The following GRIK2 variants were observed in gnomAD, a reference collection of about 807,000 sequenced individuals.
GRIK2 encodes glutamate receptor ionotropic, kainate 2.
GRIK2 carries 32 observed loss-of-function variants against 100.3 expected under a neutral mutation model. That is an observed-to-expected ratio of 0.32 (90% CI 0.24 to 0.43). The LOEUF is 0.43. GRIK2 is among the 20% of genes least tolerant of loss of function. The pLI is 1.00. For missense variants in GRIK2, 843 were observed against 1,114.9 expected (o/e 0.76, Z 3.47); for synonymous variants, 417 against 389.4 (o/e 1.07, Z -0.83).
intron 14 of GRIK2, among the ~76,000 whole-genome samples, chr6:101,989,278 G>C (rs1028183775): frequency 6.6e-6 from 1 of 151,802 alleles, no homozygotes; most frequent in Non-Finnish European, 1.5e-5. Flanking sequence ...CCCTCAGGAG[G>C]TTATTAATTA....
chr6:101,930,351 A>T (rs796202976), intron 14 of GRIK2, among the ~76,000 whole-genome samples: 5 of 6,020 alleles, frequency 8.3e-4, no homozygotes, highest in East Asian at 6.2e-3. Flanking sequence ...TCAAAAAAAA[A>T]AAATAAAATA....
chr6:101,486,395 G>GGA (rs1772833559), intron 2 of GRIK2, among the ~76,000 whole-genome samples: 1 of 137,670 alleles, frequency 7.3e-6, no homozygotes, highest in African/African-American at 2.6e-5. Flanking sequence ...GTGGGGCGGG[G>GGA]GGGGGAAGCT....
chr6:101,618,238 C>T (rs1458733001), intron 2 of GRIK2, among the ~76,000 whole-genome samples: 6 of 150,774 alleles, frequency 4.0e-5, no homozygotes, highest in African/African-American at 1.5e-4. Context: ...AAATACAATC[C>T]TTTTTTATTA....
chr6:101,972,071 CT>C (rs1020619998), intron 14 of GRIK2, among the ~76,000 whole-genome samples: 3 of 151,942 alleles, frequency 2.0e-5, no homozygotes, highest in African/African-American at 7.2e-5. Context: ...ATGCATGTGT[CT>C]TTTTGGTAGA....
chr6:101,633,434 T>A (rs1780861687), intron 4 of GRIK2, among the ~76,000 whole-genome samples: 1 of 152,116 alleles, frequency 6.6e-6, no homozygotes, highest in South Asian at 2.1e-4. Flanking sequence ...TTGATGCATG[T>A]ATAAGGTGAG....
At chr6:101,596,537 A>T (rs1021224252) in intron 2 of GRIK2, among the ~76,000 whole-genome samples, 9 of 151,592 alleles carry the variant, frequency 5.9e-5, no homozygotes. Flanking sequence ...GGAAGCATAA[A>T]CTCTTTCTTA....
intron 7 of GRIK2, among the ~76,000 whole-genome samples, chr6:101,731,120 G>GACTTC (rs1775237853): frequency 2.6e-5 from 4 of 151,984 alleles, no homozygotes; most frequent in Admixed American, 6.6e-5. Flanking sequence ...AATTATCTGA[G>GACTTC]CAGTGAAGAA....
At chr6:102,020,939 A>G (rs945784044) in intron 14 of GRIK2, among the ~76,000 whole-genome samples, 2 of 151,810 alleles carry the variant, frequency 1.3e-5, no homozygotes, top group African/African-American at 4.8e-5. Context: ...TTAAAAATGG[A>G]ACAGCAATTT....
At chr6:101,655,473 T>C (rs1396481931) in intron 4 of GRIK2, among the ~76,000 whole-genome samples, 1 of 152,052 alleles carries the variant, frequency 6.6e-6, no homozygotes, top group Non-Finnish European at 1.5e-5. Context: ...AAGAATAAAA[T>C]CCATACCTGC....
chr6:101,875,623 TCTTTA>T (rs1276713056), intron 11 of GRIK2, among the ~76,000 whole-genome samples: 1 of 151,908 alleles, frequency 6.6e-6, no homozygotes, highest in Non-Finnish European at 1.5e-5. Context: ...CTTGTTTTTC[TCTTTA>T]CTTCTTTTAC....
At chr6:101,541,038 A>G (rs973167391) in intron 2 of GRIK2, among the ~76,000 whole-genome samples, 4 of 152,022 alleles carry the variant, frequency 2.6e-5, no homozygotes, top group Non-Finnish European at 5.9e-5. Flanking sequence ...AAAGATGGGA[A>G]TCATGGCAGC....
At chr6:101,902,061 G>A (rs1032172894) in intron 12 of GRIK2, among the ~76,000 whole-genome samples, 1 of 151,936 alleles carries the variant, frequency 6.6e-6, no homozygotes, top group East Asian at 1.9e-4. Flanking sequence ...GTTCAGTGAT[G>A]TGATGATAGT....
intron 7 of GRIK2, among the ~76,000 whole-genome samples, chr6:101,781,650 A>G (rs1779103991): frequency 1.3e-5 from 2 of 152,102 alleles, no homozygotes; most frequent in Non-Finnish European, 1.5e-5. Context: ...ATGTTTGTAT[A>G]TGTGTGTATG....
chr6:101,665,730 G>A (rs1046897538), intron 4 of GRIK2, among the ~76,000 whole-genome samples: 1 of 152,200 alleles, frequency 6.6e-6, no homozygotes, highest in Non-Finnish European at 1.5e-5. Context: ...GTTAGAAGAG[G>A]TAAGAGTTGG....
At chr6:101,891,974 G>A (rs1181127895) in intron 12 of GRIK2, among the ~76,000 whole-genome samples, 2 of 152,036 alleles carry the variant, frequency 1.3e-5, no homozygotes, top group Non-Finnish European at 2.9e-5. Context: ...TCAGTGCCTA[G>A]AAAACTCTTC....
At position 102,069,861 on chromosome 6, in the gene GRIK2, G is replaced by C. The variant is rs1474855488; in HGVS notation, c.*1350G>C. 1 of 151,866 alleles carries C rather than the reference G, an allele frequency of 6.6e-6. No homozygotes were observed. Among genetic ancestry groups the C allele is most frequent in the Non-Finnish European group, 1.5e-5 (1 of 67,934 alleles). The allele number at this position is 151,866 out of a possible 1,614,324, so 9.4% of individuals were successfully genotyped here. ...ATAGAAGAGAAATATTTTCAAGTTAGATAATATAAAAGCTAGGTGCACTAC... is the reference window on the plus strand; with the variant it reads ...ATAGAAGAGAAATATTTTCAAGTTACATAATATAAAAGCTAGGTGCACTAC... On this transcript the variant is annotated 3_prime_UTR_variant, in exon 17 of 17. Transcript: ENST00000369134.
chr6:101,470,384 G>A (rs1771882136), intron 2 of GRIK2, among the ~76,000 whole-genome samples: 1 of 152,006 alleles, frequency 6.6e-6, no homozygotes, highest in African/African-American at 2.4e-5. Flanking sequence ...CTTTATTGTG[G>A]CCTCTGTTGC....
intron 7 of GRIK2, among the ~76,000 whole-genome samples, chr6:101,765,484 A>ATT (rs11418614): frequency 6.6e-6 from 1 of 151,142 alleles, no homozygotes; most frequent in African/African-American, 2.4e-5. Flanking sequence ...TGGACACATC[A>ATT]TTTTTTTTTC....
chr6:101,851,440 A>G (rs1053040866), intron 10 of GRIK2, among the ~76,000 whole-genome samples: 1 of 152,074 alleles, frequency 6.6e-6, no homozygotes, highest in Non-Finnish European at 1.5e-5. Flanking sequence ...TTTCTGTGAA[A>G]AATAAATAAA....
Sources: allele counts gnomAD v4.1 joint callset (sites outside exome capture counted in the v4.1 genomes callset), GRCh38; gene constraint gnomAD v4.1.1; transcripts MANE v1.5; gene names NCBI Gene and HGNC (gene_info 2026-07-23, HGNC 2026-07-21).